Variants in DBF4B observed in about 807,000 individuals in gnomAD.
The protein encoded by DBF4B is protein DBF4 homolog B.
A neutral mutation model predicts 53.4 loss-of-function variants in DBF4B; 49 were observed. The ratio of observed to expected loss-of-function variants is 0.92; its 90% CI spans 0.73 to 1.16. The LOEUF is 1.16. Ranked by LOEUF, DBF4B falls within the 50% of genes most tolerant of loss-of-function variation. The pLI, the probability that DBF4B is intolerant of heterozygous loss-of-function variation, is 0.00. For synonymous variants in DBF4B, 257 were observed against 288.7 expected, an observed-to-expected ratio of 0.89 and a Z score of 1.11; for missense variants, 692 against 775.0, an observed-to-expected ratio of 0.89 and a Z score of 1.27.
chr17:44,741,297 T>C, intron 9 of DBF4B, 39 bp from the exon 10 acceptor site: 1 of 1,493,608 alleles, frequency 6.7e-7, no homozygotes, highest in Non-Finnish European at 9.3e-7. Flanking sequence ...GCCTTTACCT[T>C]CCCCATTGTA....
chr17:44,752,121 A>G lies in DBF4B; in HGVS notation c.*868A>G, dbSNP rs2049288676. On this transcript the variant is annotated 3_prime_UTR_variant, in exon 14 of 14. Transcript: ENST00000315005. ...CCCCAACTCCCTTCTGCTGGGTGGA[A>G]TGCAGGAGCTAGCTGCCTCCAACTC... is the stretch of plus-strand genomic sequence containing the variant. 2.2e-6 allele frequency: 2 copies of G among 906,222 alleles called. No individual in the cohort carries two copies. The highest frequency in any genetic ancestry group is 3.4e-6 in the Non-Finnish European group (2 of 581,954). 56.1% of individuals were successfully genotyped at this position (906,222 alleles called of 1,614,324 possible).
chr17:44,745,638 C>T (rs1213584665), intron 10 of DBF4B, among the ~76,000 whole-genome samples: 7 of 152,208 alleles, frequency 4.6e-5, no homozygotes, highest in Admixed American at 1.3e-4. Context: ...CCTGGTCTCT[C>T]CATTGACACT....
At chr17:44,723,770 AT>A (rs1206717925) in intron 3 of DBF4B, among the ~76,000 whole-genome samples, 2 of 151,740 alleles carry the variant, frequency 1.3e-5, no homozygotes, top group Non-Finnish European at 1.5e-5. Context: ...AAAAAAAAAA[AT>A]GATAAATAAA....
intron 1 of DBF4B, 91 bp downstream of exon 1, chr17:44,708,930 G>C: frequency 6.6e-7 from 1 of 1,513,042 alleles, no homozygotes; most frequent in Non-Finnish European, 8.9e-7. Context: ...CTTAGGAAGT[G>C]ACCAGCGGGT....
At chr17:44,724,055 C>T (rs927785823) in intron 3 of DBF4B, among the ~76,000 whole-genome samples, 2 of 151,948 alleles carry the variant, frequency 1.3e-5, no homozygotes, top group African/African-American at 2.4e-5. Flanking sequence ...GAGCTGAAGT[C>T]GAGGTCTTGC....
chr17:44,752,069 G>A lies in DBF4B; in HGVS notation c.*816G>A, dbSNP rs940785211. On this transcript the variant is annotated 3_prime_UTR_variant, in exon 14 of 14. Coordinates refer to ENST00000315005, the MANE Select transcript of DBF4B (RefSeq NM_145663.3). ...CTTCTCGCTGAGCCTTTCACTTCTC[G>A]GCAGATGTGACCGATTGGTAGCTCC... 1.4e-5 allele frequency: 19 copies of A among 1,370,940 alleles called. No homozygotes were observed. In the South Asian group the frequency reaches 1.6e-4, roughly 12 times the overall value. The allele number at this position is 1,370,940 out of a possible 1,614,324, so 84.9% of individuals were successfully genotyped here.
intron 3 of DBF4B, among the ~76,000 whole-genome samples, chr17:44,725,662 C>T (rs553663913): frequency 9.8e-4 from 118 of 120,430 alleles, no homozygotes; most frequent in African/African-American, 3.4e-3. Flanking sequence ...TGCCTCCATC[C>T]TGCCTTTGTT....
chr17:44,742,108 G>C (rs1242644196), intron 10 of DBF4B, among the ~76,000 whole-genome samples: 1 of 151,464 alleles, frequency 6.6e-6, no homozygotes, highest in African/African-American at 2.4e-5. Flanking sequence ...AAATAAAAAT[G>C]TAAAAAATTA....
intron 5 of DBF4B, 189 bp downstream of exon 5, chr17:44,731,204 A>G: frequency 3.2e-6 from 2 of 629,680 alleles, no homozygotes; most frequent in South Asian, 3.6e-5. Flanking sequence ...TCACCTAGAG[A>G]GTAAGTGTTG....
At chr17:44,748,619 G>T in intron 13 of DBF4B, 154 bp downstream of exon 13, 1 of 1,516,278 alleles carries the variant, frequency 6.6e-7, no homozygotes, top group Non-Finnish European at 8.8e-7. Flanking sequence ...GTGTCCAGGA[G>T]CCCTGCTTGC....
Position 44,751,868 on chromosome 17 carries a change from CCCTCAGTGG to C in DBF4B, c.*619_*627del, listed in dbSNP as rs1369701381. On this transcript the variant is annotated 3_prime_UTR_variant, in exon 14 of 14. Transcript: ENST00000315005. ...GCCTGGCTCCCTTGGTCGCAGCAGC[CCCTCAGTGG>C]CCTGGTTCTCCTGTCCCCCTGCCCT... 17 of 1,535,930 alleles carry C rather than the reference CCCTCAGTGG, an allele frequency of 1.1e-5. No individual in the cohort carries two copies. In the East Asian group the frequency reaches 3.9e-4, roughly 35 times the overall value.
rs114309213 is a variant in DBF4B, at chr17:44,730,834, C to T, written c.418-131C>T. The T allele has an allele frequency of 2.3e-3, 1,955 of 858,126 alleles. 32 individuals are homozygous for T. The African/African-American group carries it at 0.03, about 13-fold the overall frequency. 53.2% of individuals were successfully genotyped at this position (858,126 alleles called of 1,614,324 possible). A position where few individuals can be genotyped will look rare whatever the true frequency, so the allele number is the denominator to read the frequency against. On this transcript the variant is annotated intron_variant, in intron 4 of 13. Coordinates refer to ENST00000315005, the MANE Select transcript of DBF4B (RefSeq NM_145663.3). ...CTAGGCTCTCATTTCTACCAATCCTCAGTTGTCACTGCTCCCAGCTTTCCG... is the reference window on the plus strand; with the variant it reads ...CTAGGCTCTCATTTCTACCAATCCTTAGTTGTCACTGCTCCCAGCTTTCCG...
Position 44,723,032 on chromosome 17 carries a change from CTG to C in DBF4B, c.225+11_225+12del. 1 of 1,613,784 alleles carries C rather than the reference CTG, an allele frequency of 6.2e-7. No individual in the cohort carries two copies. ...TCAGCAACTGGGTGGGGTAGGTAAC[CTG>C]CTCTTCTCCTGCGATGCCATGTGCC... On this transcript the variant is annotated intron_variant, in intron 3 of 13. Transcript: ENST00000315005.
At position 44,749,781 on chromosome 17, in the gene DBF4B, A is replaced by G; in HGVS notation, c.1190-814A>G. 1.9e-6 allele frequency: 2 copies of G among 1,075,158 alleles called. No individual in the cohort carries two copies. The highest frequency in any genetic ancestry group is 2.3e-6 in the Non-Finnish European group (2 of 881,958). 66.6% of individuals were successfully genotyped at this position (1,075,158 alleles called of 1,614,324 possible). On this transcript the variant is annotated intron_variant, in intron 13 of 13. Transcript: ENST00000315005. The surrounding 1 kb of genome is among the most constrained non-coding windows in gnomAD (Gnocchi z 4.4). The stretch of plus-strand genomic sequence containing the variant: ...TCCACAGGCCCTTGCCTCTCTGCAG[A>G]GCCGCGGGTTAGCTGTTGGTGTGCT...
At chr17:44,732,120 T>C in intron 5 of DBF4B, 58 bp from the exon 6 acceptor site, 1 of 1,573,312 alleles carries the variant, frequency 6.4e-7, no homozygotes, top group Non-Finnish European at 8.7e-7. Flanking sequence ...ATCTGTCCCC[T>C]TCACTTTCAG....
rs1972599842 is a variant in DBF4B at position 44,708,838 on chromosome 17, G to A, written c.18G>A (p.Lys6=). ...GGCATTTGATGAGCGAACCGGGAAA[G>A]GGTACGGATGCCGGGAAGGGGAGAA... MSEPG[K]GDDCLELESS... The change falls in exon 1 of 14, where the codon AAG becomes AAA. Residue 6 remains lysine (K), a splice_region_variant and synonymous_variant. Transcript: ENST00000315005. 6.4e-7 allele frequency: 1 copy of A among 1,551,614 alleles called. No individual in the cohort carries two copies. Among genetic ancestry groups the A allele is most frequent in the East Asian group, 2.4e-5 (1 of 40,942 alleles).
chr17:44,717,408 A>G (rs1973419261), intron 2 of DBF4B, among the ~76,000 whole-genome samples: 1 of 152,190 alleles, frequency 6.6e-6, no homozygotes, highest in Non-Finnish European at 1.5e-5. Flanking sequence ...TAATAATAGT[A>G]CAATTAAAAA....
At chr17:44,721,533 A>G (rs1423191422) in intron 2 of DBF4B, among the ~76,000 whole-genome samples, 1 of 151,790 alleles carries the variant, frequency 6.6e-6, no homozygotes. Flanking sequence ...TCTTTTCTTT[A>G]ACTGCTGTTC....
intron 2 of DBF4B, among the ~76,000 whole-genome samples, chr17:44,722,083 G>C (rs995340726): frequency 6.6e-6 from 1 of 151,520 alleles, no homozygotes; most frequent in Non-Finnish European, 1.5e-5. Context: ...GCGATAAGCC[G>C]AGATCGCGCC....
Sources: allele counts gnomAD v4.1 joint callset (sites outside exome capture counted in the v4.1 genomes callset), GRCh38; gene constraint gnomAD v4.1.1; non-coding constraint Gnocchi (gnomAD v3.1); transcripts MANE v1.5; gene names NCBI Gene and HGNC (gene_info 2026-07-23, HGNC 2026-07-21).